ARL6IP6: variants seen among roughly 807,000 people sequenced by gnomAD.
ARL6IP6 encodes ADP-ribosylation factor-like protein 6-interacting protein 6.
Under a neutral mutation model 21.5 loss-of-function variants are expected in ARL6IP6, and 22 were observed. The ratio of observed to expected loss-of-function variants is 1.02; its 90% CI spans 0.73 to 1.46. ARL6IP6 has a LOEUF of 1.46. Ranked by LOEUF, ARL6IP6 falls within the 40% of genes most tolerant of loss-of-function variation. The pLI is 0.00. For missense variants in ARL6IP6, 388 were observed against 299.8 expected, an observed-to-expected ratio of 1.29 and a Z score of -2.17; for synonymous variants, 164 against 125.3, an observed-to-expected ratio of 1.31 and a Z score of -2.06.
At chr2:152,729,074 T>G (rs960797557) in intron 2 of ARL6IP6, among the ~76,000 whole-genome samples, 2 of 150,700 alleles carry the variant, frequency 1.3e-5, no homozygotes, top group Non-Finnish European at 3.0e-5. Flanking sequence ...AAAAAAAAAT[T>G]AATATACATC....
intron 3 of ARL6IP6, among the ~76,000 whole-genome samples, chr2:152,735,944 A>C (rs1700530632): frequency 6.6e-6 from 1 of 152,156 alleles, no homozygotes; most frequent in Admixed American, 6.5e-5. Context: ...ATTAATAATC[A>C]TTGGTACTAC....
chr2:152,753,337 T>C (rs1438607090), intron 3 of ARL6IP6, among the ~76,000 whole-genome samples: 2 of 152,176 alleles, frequency 1.3e-5, no homozygotes, highest in Admixed American at 1.3e-4. Flanking sequence ...AAAAATGCCT[T>C]ATTGGTAAAA....
chr2:152,755,574 CCT>C (rs529946133), intron 3 of ARL6IP6, among the ~76,000 whole-genome samples: 4 of 151,724 alleles, frequency 2.6e-5, no homozygotes, highest in African/African-American at 9.7e-5. Context: ...TCTCTCTCTT[CCT>C]CTCTCTCTCT....
At chr2:152,719,560 C>T (rs1361183515) in intron 1 of ARL6IP6, among the ~76,000 whole-genome samples, 2 of 152,108 alleles carry the variant, frequency 1.3e-5, no homozygotes, top group Non-Finnish European at 2.9e-5. Flanking sequence ...AGTTCTGTTG[C>T]AGAAAGTATA....
intron 3 of ARL6IP6, among the ~76,000 whole-genome samples, chr2:152,745,921 A>C (rs1265730818): frequency 6.6e-6 from 1 of 152,058 alleles, no homozygotes; most frequent in African/African-American, 2.4e-5. Context: ...AGATATAACA[A>C]AATCCTCTAG....
chr2:152,747,192 T>C (rs778949067), intron 3 of ARL6IP6, among the ~76,000 whole-genome samples: 7 of 152,214 alleles, frequency 4.6e-5, no homozygotes, highest in Admixed American at 1.3e-4. Flanking sequence ...AAGGAATTAT[T>C]ATCCTCATTT....
chr2:152,727,167 T>A (rs1700086017), intron 2 of ARL6IP6, among the ~76,000 whole-genome samples: 1 of 152,160 alleles, frequency 6.6e-6, no homozygotes. Flanking sequence ...GATGTGACAG[T>A]GAAAAACAGT....
upstream of ARL6IP6, chr2:152,718,603 G>T: frequency 5.3e-6 from 8 of 1,500,694 alleles, no homozygotes; most frequent in Middle Eastern, 2.1e-4. Flanking sequence ...CGTTCTCCGC[G>T]GGTTTCGTTG....
chr2:152,726,942 C>T (rs926043702), intron 2 of ARL6IP6, among the ~76,000 whole-genome samples: 14 of 152,146 alleles, frequency 9.2e-5, no homozygotes, highest in South Asian at 6.2e-4. Context: ...ACGTGCAGTA[C>T]ATAACATAAT....
At chr2:152,718,535 G>A, upstream of ARL6IP6, 3 of 1,478,168 alleles carry the variant, frequency 2.0e-6, no homozygotes, top group Non-Finnish European at 2.7e-6. Flanking sequence ...CCTGGTGGTA[G>A]CGGCCACTGC....
At chr2:152,730,804 C>A (rs1700274017) in intron 2 of ARL6IP6, among the ~76,000 whole-genome samples, 1 of 152,160 alleles carries the variant, frequency 6.6e-6, no homozygotes, top group African/African-American at 2.4e-5. Context: ...GAGGCATCTG[C>A]AGGCTTGGCT....
chr2:152,717,727 T>C, upstream of ARL6IP6: 1 of 1,337,918 alleles, frequency 7.5e-7, no homozygotes, highest in Non-Finnish European at 9.6e-7. Context: ...AAGACAACAG[T>C]GTCCCAGCTT....
intron 3 of ARL6IP6, 148 bp from the exon 4 acceptor site, chr2:152,759,599 G>A (rs575395419): frequency 5.2e-5 from 32 of 611,604 alleles, no homozygotes; most frequent in African/African-American, 3.3e-4. Context: ...TCCTGCAGAT[G>A]TCCAATATTC....
rs1209265541 is a variant in ARL6IP6 at position 152,761,966 on chromosome 2, G to T, written c.*2126G>T. On this transcript the variant is annotated 3_prime_UTR_variant, in exon 4 of 4. Coordinates refer to ENST00000326446, the MANE Select transcript of ARL6IP6 (RefSeq NM_152522.7). ...AGAGATGTATCCGTAAGATATTTTT[G>T]TGGAATCCTAATTCTTCTGGACTGT... Among the ~76,000 whole-genome samples, 1 of 152,092 alleles carries T rather than the reference G, an allele frequency of 6.6e-6. No individual in the cohort carries two copies. Among genetic ancestry groups the T allele is most frequent in the Non-Finnish European group, 1.5e-5 (1 of 68,016 alleles).
intron 2 of ARL6IP6, among the ~76,000 whole-genome samples, chr2:152,724,226 A>G (rs896727991): frequency 6.6e-6 from 1 of 152,110 alleles, no homozygotes; most frequent in African/African-American, 2.4e-5. Context: ...ATTTTCTACA[A>G]TGTATAAGTG....
At chr2:152,739,195 C>CAGG (rs1187963380) in intron 3 of ARL6IP6, among the ~76,000 whole-genome samples, 1 of 152,104 alleles carries the variant, frequency 6.6e-6, no homozygotes, top group East Asian at 1.9e-4. Context: ...CCATGTTAGC[C>CAGG]AGGATGGTCT....
At chr2:152,719,510 C>T (rs1436211354) in intron 1 of ARL6IP6, among the ~76,000 whole-genome samples, 3 of 151,918 alleles carry the variant, frequency 2.0e-5, no homozygotes, top group Admixed American at 6.5e-5. Flanking sequence ...AAATAATTAG[C>T]CTCTCAGTTT....
chr2:152,718,463 C>T (rs1217179730), upstream of ARL6IP6: 11 of 1,014,082 alleles, frequency 1.1e-5, no homozygotes, highest in African/African-American at 1.2e-4. Flanking sequence ...TTTGGCCCTG[C>T]GGCTTCCTTT....
At chr2:152,757,247 T>C (rs1462833673) in intron 3 of ARL6IP6, among the ~76,000 whole-genome samples, 2 of 152,174 alleles carry the variant, frequency 1.3e-5, no homozygotes, top group Non-Finnish European at 2.9e-5. Flanking sequence ...AAGTTGAATA[T>C]TTAAAAGGGA....
Sources: allele counts gnomAD v4.1 joint callset (sites outside exome capture counted in the v4.1 genomes callset), GRCh38; gene constraint gnomAD v4.1.1; transcripts MANE v1.5; gene names NCBI Gene and HGNC (gene_info 2026-07-23, HGNC 2026-07-21).